Variants in ATRX observed in about 807,000 individuals in gnomAD.
ATRX encodes ATRX chromatin remodeler.
ATRX carries 12 observed loss-of-function variants against 172.6 expected under a neutral mutation model. That is an observed-to-expected ratio of 0.07 (90% confidence interval 0.04 to 0.11). The LOEUF is 0.11. Among genes scored for constraint, ATRX ranks in the 10% least tolerant of loss-of-function variants. The pLI, the probability that ATRX is intolerant of heterozygous loss-of-function variation, is 1.00. For missense variants in ATRX, 1,368 were observed against 1,767.4 expected, an observed-to-expected ratio of 0.77 and a Z score of 4.05; for synonymous variants, 674 against 594.7, an observed-to-expected ratio of 1.13 and a Z score of -1.94.
chrX:77,520,573 C>T (rs1312941904), intron 34 of ATRX, among the ~76,000 whole-genome samples: 10 of 111,794 alleles, frequency 8.9e-5, no homozygotes, highest in Non-Finnish European at 1.7e-4. Flanking sequence ...ATGTAAACTT[C>T]AAGGATTCCC....
intron 1 of ATRX, among the ~76,000 whole-genome samples, chrX:77,767,055 C>G (rs1384322345): frequency 8.9e-6 from 1 of 112,497 alleles, no homozygotes; most frequent in Non-Finnish European, 1.9e-5. Context: ...CCATCTCCAC[C>G]AAAAAAATAC....
At chrX:77,766,521 GAC>G (rs2075948354) in intron 1 of ATRX, among the ~76,000 whole-genome samples, 1 of 106,251 alleles carries the variant, frequency 9.4e-6, no homozygotes, top group Non-Finnish European at 1.9e-5. Flanking sequence ...GCCAGGCAGA[GAC>G]GCTCCTCACC....
intron 30 of ATRX, among the ~76,000 whole-genome samples, chrX:77,539,278 G>A (rs1323083733): frequency 9.0e-6 from 1 of 110,938 alleles, no homozygotes; most frequent in Non-Finnish European, 1.9e-5. Context: ...GAGTAAATGA[G>A]ACAATGTATT....
At chrX:77,781,637 G>A (rs558282556) in intron 1 of ATRX, among the ~76,000 whole-genome samples, 3 of 110,767 alleles carry the variant, frequency 2.7e-5, no homozygotes, top group Non-Finnish European at 3.8e-5. Flanking sequence ...TAAACATCTT[G>A]CATGTCAGCT....
At chrX:77,525,264 A>G (rs1264972270) in intron 30 of ATRX, among the ~76,000 whole-genome samples, 1 of 111,821 alleles carries the variant, frequency 8.9e-6, no homozygotes, top group Non-Finnish European at 1.9e-5. Context: ...TCATCACTAG[A>G]TCAATCTCCA....
chrX:77,599,382 A>G, intron 25 of ATRX, 29 bp downstream of exon 25: 5 of 1,206,191 alleles, frequency 4.1e-6, no homozygotes, highest in Non-Finnish European at 4.5e-6. Flanking sequence ...TTACTGTTCC[A>G]TGATAAAGGC....
At chrX:77,681,220 C>A (rs781854062) in intron 9 of ATRX, among the ~76,000 whole-genome samples, 4 of 111,712 alleles carry the variant, frequency 3.6e-5, no homozygotes, top group Non-Finnish European at 7.5e-5. Flanking sequence ...TGGCACCAGT[C>A]CGCTTTTCCT....
At chrX:77,558,122 T>C (rs1272745395) in intron 29 of ATRX, among the ~76,000 whole-genome samples, 1 of 111,027 alleles carries the variant, frequency 9.0e-6, no homozygotes, top group African/African-American at 3.3e-5. Flanking sequence ...AGAAAACAAA[T>C]ATAAAATACC....
At chrX:77,780,308 A>AT (rs1557204940) in intron 1 of ATRX, among the ~76,000 whole-genome samples, 1 of 110,974 alleles carries the variant, frequency 9.0e-6, no homozygotes, top group African/African-American at 3.3e-5. Flanking sequence ...AAACACTCAT[A>AT]TAAGCAGAAT....
intron 20 of ATRX, 145 bp from the exon 21 acceptor site, chrX:77,619,126 C>T: frequency 2.2e-6 from 1 of 453,617 alleles, no homozygotes. Context: ...ATAGAATAAA[C>T]ATGGTTATAA....
At chrX:77,611,729 AAG>A (rs1392405479) in intron 22 of ATRX, among the ~76,000 whole-genome samples, 1 of 111,011 alleles carries the variant, frequency 9.0e-6, no homozygotes, top group Non-Finnish European at 1.9e-5. Flanking sequence ...TTTTAATTAA[AAG>A]AAATATAATT....
intron 27 of ATRX, among the ~76,000 whole-genome samples, chrX:77,579,331 TG>T (rs1357908579): frequency 1.8e-5 from 2 of 112,128 alleles, no homozygotes; most frequent in Non-Finnish European, 3.8e-5. Context: ...CAGTGGGCCT[TG>T]GGCAAGACCC....
chrX:77,680,812 TAAAA>T (rs1557136350), intron 9 of ATRX, among the ~76,000 whole-genome samples: 1 of 111,540 alleles, frequency 9.0e-6, no homozygotes, highest in Non-Finnish European at 1.9e-5. Flanking sequence ...ACTTCAATAA[TAAAA>T]ACTTATTTTT....
At chrX:77,533,418 A>G (rs1557047173) in intron 30 of ATRX, among the ~76,000 whole-genome samples, 1 of 112,541 alleles carries the variant, frequency 8.9e-6, no homozygotes, top group African/African-American at 3.2e-5. Flanking sequence ...AATGTGGTAC[A>G]TATACCAGAT....
rs782405789 is a variant in ATRX, at chrX:77,681,761, A to G, written c.3495T>C (p.Asn1165=). ...ATGAAGTTCTTTGCTTCTTCTTTTT[A>G]TTATCTTCAGAACTTTCCTCAGCAT... is the stretch of plus-strand genomic sequence containing the variant. ...SSDAEESSED[N]KKKKQRTSSK... The change falls in exon 9 of 35, where the codon AAT becomes AAC. Residue 1165 remains asparagine (N), a synonymous_variant. Coordinates refer to ENST00000373344, the MANE Select transcript of ATRX (RefSeq NM_000489.6). 8.3e-7 allele frequency: 1 copy of G among 1,200,640 alleles called. No individual in the cohort carries two copies. The highest frequency in any genetic ancestry group is 1.1e-6 in the Non-Finnish European group (1 of 892,610).
At chrX:77,779,050 C>G (rs1344884128) in intron 1 of ATRX, among the ~76,000 whole-genome samples, 1 of 106,753 alleles carries the variant, frequency 9.4e-6, no homozygotes, top group Non-Finnish European at 1.9e-5. Flanking sequence ...GCCTCAACTT[C>G]CCGAGCAGCT....
chrX:77,626,077 ATATATATG>A (rs2067835988), intron 19 of ATRX, among the ~76,000 whole-genome samples: 2 of 56,411 alleles, frequency 3.5e-5, no homozygotes, highest in African/African-American at 1.4e-4. Context: ...ATATATATAT[ATATATATG>A]ATGGAATACT....
intron 19 of ATRX, among the ~76,000 whole-genome samples, chrX:77,626,695 A>G (rs782598504): frequency 3.9e-4 from 44 of 112,073 alleles, no homozygotes; most frequent in African/African-American, 1.4e-3. Flanking sequence ...AGGAGAATAC[A>G]TGCTTCTGTA....
chrX:77,606,623 G>T (rs2066912347), intron 22 of ATRX, among the ~76,000 whole-genome samples: 1 of 110,585 alleles, frequency 9.0e-6, no homozygotes, highest in African/African-American at 3.3e-5. Flanking sequence ...TGCAACGATG[G>T]CTCAGTTTAT....
Sources: allele counts gnomAD v4.1 joint callset (sites outside exome capture counted in the v4.1 genomes callset), GRCh38; gene constraint gnomAD v4.1.1; transcripts MANE v1.5; gene names NCBI Gene and HGNC (gene_info 2026-07-23, HGNC 2026-07-21).